The following MAP2K7 variants were observed in gnomAD, a reference collection of about 807,000 sequenced individuals.
MAP2K7 encodes the protein mitogen-activated protein kinase kinase 7.
In MAP2K7, 12 loss-of-function variants were observed where a neutral mutation model predicts 47.7. That is an observed-to-expected ratio of 0.25 (90% confidence interval 0.16 to 0.41). The LOEUF (loss-of-function observed/expected upper bound fraction) is 0.41, where lower values mean the gene tolerates loss of function less well. Among genes scored for constraint, MAP2K7 ranks in the 10% least tolerant of loss-of-function variants. MAP2K7 has a pLI of 1.00. For missense variants in MAP2K7, 415 were observed against 600.3 expected, an observed-to-expected ratio of 0.69 and a Z score of 3.23; for synonymous variants, 299 against 243.0, an observed-to-expected ratio of 1.23 and a Z score of -2.14.
At chr19:7,909,942 G>A (rs569909903) in intron 2 of MAP2K7, 46 bp downstream of exon 2, 3 of 1,501,658 alleles carry the variant, frequency 2.0e-6, no homozygotes, top group African/African-American at 2.8e-5. Context: ...AGCATTGAGG[G>A]GCCACCGTGC....
chr19:7,911,560 A>G lies in MAP2K7; in HGVS notation c.1061A>G (p.Gln354Arg), dbSNP rs1222436068. 3.1e-6 allele frequency: 5 copies of G among 1,597,866 alleles called. No individual in the cohort carries two copies. The East Asian group carries it at 9.0e-5, about 29-fold the overall frequency. ...CACATGGGCTTCTCGGGGGACTTCCAGTCCTTCGTCAAAGACTGGTGAGAA... is the reference window on the plus strand; with the variant it reads ...CACATGGGCTTCTCGGGGGACTTCCGGTCCTTCGTCAAAGACTGGTGAGAA... Reference protein sequence around the residue: ...PGHMGFSGDFQSFVKDCLTKD... With the variant: ...PGHMGFSGDFRSFVKDCLTKD... Residue 354 changes from glutamine (Q) to arginine (R), a missense_variant, in exon 9 of 11, where the codon CAG becomes CGG. Coordinates refer to ENST00000397979, the MANE Select transcript of MAP2K7 (RefSeq NM_145185.4).
chr19:7,912,616 C>T lies in MAP2K7; in HGVS notation c.*185C>T, dbSNP rs1202753453. 3 of 700,042 alleles carry T rather than the reference C, an allele frequency of 4.3e-6. No homozygotes were observed. In the African/African-American group the frequency reaches 5.4e-5, roughly 13 times the overall value. The allele number at this position is 700,042 out of a possible 1,614,324, so 43.4% of individuals were successfully genotyped here. ...CCGGGCCTACCAAGCCCCCGCCCTT[C>T]CCACCCCGGGGTCAGCCGGCCGTGT... On this transcript the variant is annotated 3_prime_UTR_variant, in exon 11 of 11. Transcript: ENST00000397979.
At position 7,910,807 on chromosome 19, in the gene MAP2K7, A is replaced by G; in HGVS notation, c.675+4A>G. ...TCTGGGCAAGATGACAGTGGCGGTG[A>G]GTGACCAGGCGGGGCTTGCACTGGG... On this transcript the variant is annotated splice_donor_region_variant and intron_variant, in intron 6 of 10. Transcript: ENST00000397979. 1 of 1,586,226 alleles carries G rather than the reference A, an allele frequency of 6.3e-7. No homozygotes were observed. Among genetic ancestry groups the G allele is most frequent in the Non-Finnish European group, 8.6e-7 (1 of 1,161,382 alleles).
intron 9 of MAP2K7, 26 bp downstream of exon 9, chr19:7,911,604 G>A (rs759054363): frequency 3.1e-5 from 48 of 1,560,550 alleles, no homozygotes; most frequent in Non-Finnish European, 3.9e-5. Flanking sequence ...CACTTGGGAG[G>A]TCAGGGACAG....
At chr19:7,905,828 C>T (rs774083950) in intron 1 of MAP2K7, 15 of 1,612,552 alleles carry the variant, frequency 9.3e-6, no homozygotes, top group Non-Finnish European at 1.2e-5. Context: ...CACTCTAAGC[C>T]CTGCTCCTGC....
At chr19:7,905,216 A>G (rs2145128526) in intron 1 of MAP2K7, among the ~76,000 whole-genome samples, 1 of 152,018 alleles carries the variant, frequency 6.6e-6, no homozygotes, top group South Asian at 2.1e-4. Context: ...TGACCTTCGT[A>G]GTTTATTTAG....
intron 1 of MAP2K7, chr19:7,906,158 T>C (rs1425583448): frequency 1.2e-5 from 5 of 415,016 alleles, no homozygotes; most frequent in African/African-American, 2.0e-5. Context: ...GGTGCACGCC[T>C]GTGTGTGTGT....
At chr19:7,905,760 G>C (rs1405127242) in intron 1 of MAP2K7, 1 of 1,475,636 alleles carries the variant, frequency 6.8e-7, no homozygotes, top group Non-Finnish European at 9.5e-7. Context: ...AGTCGTTTCT[G>C]TTGTGATTTA....
rs1029038709 is a variant in MAP2K7, at chr19:7,912,563, T to G, written c.*132T>G. ...GCCACCTAGGACTGAGGACAGAGAGTGGGGGGTGCCCACCCACCCCCCCCG... is the reference window on the plus strand; with the variant it reads ...GCCACCTAGGACTGAGGACAGAGAGGGGGGGGTGCCCACCCACCCCCCCCG... On this transcript the variant is annotated 3_prime_UTR_variant, in exon 11 of 11. Coordinates refer to ENST00000397979, the MANE Select transcript of MAP2K7 (RefSeq NM_145185.4). 58 of 1,116,830 alleles carry G rather than the reference T, an allele frequency of 5.2e-5. No individual in the cohort carries two copies. The Admixed American group carries it at 6.4e-4, about 12-fold the overall frequency. 69.2% of individuals were successfully genotyped at this position (1,116,830 alleles called of 1,614,324 possible). A position where few individuals can be genotyped will look rare whatever the true frequency, so the allele number is the denominator to read the frequency against.
intron 1 of MAP2K7, 22 bp from the exon 2 acceptor site, chr19:7,909,733 C>T (rs1473959992): frequency 1.3e-6 from 2 of 1,508,750 alleles, no homozygotes; most frequent in African/African-American, 1.4e-5. Flanking sequence ...CCCCTCCCTG[C>T]CACTGGTTCT....
rs1356378079 is a variant in MAP2K7 at position 7,904,022 on chromosome 19, G to C, written c.78G>C (p.Arg26=). The C allele has an allele frequency of 3.3e-6, 5 of 1,509,554 alleles. No individual in the cohort carries two copies. The highest frequency in any genetic ancestry group is 4.5e-6 in the Non-Finnish European group (5 of 1,122,610). The allele number at this position is 1,509,554 out of a possible 1,614,324, so 93.5% of individuals were successfully genotyped here. A position where few individuals can be genotyped will look rare whatever the true frequency, so the allele number is the denominator to read the frequency against. Residue 26 remains arginine (R), a synonymous_variant, in exon 1 of 11, where the codon CGG becomes CGC. Coordinates refer to ENST00000397979, the MANE Select transcript of MAP2K7 (RefSeq NM_145185.4). ...AGCAGGAGAACCGGGAGGCCCGGCG[G>C]AGGATCGACCTCAACCTGGATATCA... ...KLKQENREAR[R]RIDLNLDISP...
chr19:7,907,457 C>T (rs1373734032), intron 1 of MAP2K7, among the ~76,000 whole-genome samples: 2 of 152,348 alleles, frequency 1.3e-5, no homozygotes, highest in East Asian at 1.9e-4. Context: ...ACCTGTGGCT[C>T]CTGTCGGCAG....
intron 5 of MAP2K7, 46 bp from the exon 6 acceptor site, chr19:7,910,650 G>T (rs369271831): frequency 6.2e-7 from 1 of 1,607,864 alleles, no homozygotes; most frequent in Non-Finnish European, 8.5e-7. Context: ...GCCTCTGGGG[G>T]GTGGGCCGGA....
intron 1 of MAP2K7, among the ~76,000 whole-genome samples, chr19:7,905,024 C>CA (rs1328314984): frequency 7.3e-5 from 11 of 151,696 alleles, no homozygotes; most frequent in Admixed American, 7.2e-4. Context: ...TCGCTTCACA[C>CA]ACACCTGGCC....
rs1982743070 is a variant in MAP2K7, at chr19:7,910,346, G to A, written c.420G>A (p.Arg140=). 2 of 1,613,124 alleles carry A rather than the reference G, an allele frequency of 1.2e-6. No homozygotes were observed. The highest frequency in any genetic ancestry group is 2.2e-5 in the East Asian group (1 of 44,868). The change falls in exon 4 of 11, where the codon CGG becomes CGA. Residue 140 remains arginine, a synonymous_variant. Coordinates refer to ENST00000397979, the MANE Select transcript of MAP2K7 (RefSeq NM_145185.4). ...TCGQVWKMRF[R]KTGHVIAVKQ... is the part of the protein sequence containing the mutation. ...GCCAGGTGTGGAAGATGCGCTTCCG[G>A]AAGACCGGCCACGTCATTGCCGTTA... is the stretch of plus-strand genomic sequence containing the variant.
At position 7,912,831 on chromosome 19, in the gene MAP2K7, C is replaced by A. The variant is rs937565086; in HGVS notation, c.*400C>A. 7 of 232,320 alleles carry A rather than the reference C, an allele frequency of 3.0e-5. No homozygotes were observed. The highest frequency in any genetic ancestry group is 9.2e-5 in the African/African-American group (4 of 43,264). The allele number at this position is 232,320 out of a possible 1,614,324, so 14.4% of individuals were successfully genotyped here. On this transcript the variant is annotated 3_prime_UTR_variant, in exon 11 of 11. Coordinates refer to ENST00000397979, the MANE Select transcript of MAP2K7 (RefSeq NM_145185.4). ...TCCCACGCGCCCGTTCCTCTTCCGT[C>A]GCCCTCTGTCCCCTGCTCTACCTCT...
chr19:7,905,127 C>G (rs1332719322), intron 1 of MAP2K7, among the ~76,000 whole-genome samples: 1 of 152,124 alleles, frequency 6.6e-6, no homozygotes, highest in Non-Finnish European at 1.5e-5. Context: ...TTTTCAAACC[C>G]TGTGAACACC....
intron 1 of MAP2K7, chr19:7,906,028 C>A (rs41284496): frequency 0.046 from 30,733 of 667,486 alleles, 906 homozygotes; most frequent in Non-Finnish European, 0.058. Flanking sequence ...CCCAGCCCAG[C>A]CTCCTCTGCG....
Position 7,903,904 on chromosome 19 carries a change from G to C in MAP2K7, c.-41G>C. The C allele has an allele frequency of 1.4e-6, 2 of 1,442,914 alleles. No homozygotes were observed. Among genetic ancestry groups the C allele is most frequent in the Non-Finnish European group, 1.8e-6 (2 of 1,085,102 alleles). The allele number at this position is 1,442,914 out of a possible 1,614,324, so 89.4% of individuals were successfully genotyped here. A position where few individuals can be genotyped will look rare whatever the true frequency, so the allele number is the denominator to read the frequency against. On this transcript the variant is annotated 5_prime_UTR_variant, in exon 1 of 11. Coordinates refer to ENST00000397979, the MANE Select transcript of MAP2K7 (RefSeq NM_145185.4). ...TGCGGTGTTTGTCTGCCGGACTGAC[G>C]GGCGGCCGGGCGGTGCGCGGCGGCG...
Sources: allele counts gnomAD v4.1 joint callset (sites outside exome capture counted in the v4.1 genomes callset), GRCh38; gene constraint gnomAD v4.1.1; transcripts MANE v1.5; gene names NCBI Gene and HGNC (gene_info 2026-07-23, HGNC 2026-07-21).